The following NUFIP1 variants were observed in gnomAD, a reference collection of about 807,000 sequenced individuals.
NUFIP1 encodes the protein nuclear FMR1 interacting protein 1.
A neutral mutation model predicts 56.2 loss-of-function variants in NUFIP1; 38 were observed. That is an observed-to-expected ratio of 0.68 (90% confidence interval 0.52 to 0.89). The LOEUF is 0.89. Among genes scored for constraint, NUFIP1 ranks in the 40% least tolerant of loss-of-function variants. The probability of loss-of-function intolerance (pLI) is 0.00; values close to 1 mark genes in which losing one functional copy is unlikely to be tolerated. For missense variants in NUFIP1, 567 were observed against 605.8 expected, an observed-to-expected ratio of 0.94 and a Z score of 0.67; for synonymous variants, 215 against 212.4, an observed-to-expected ratio of 1.01 and a Z score of -0.10.
chr13:44,949,456 C>A (rs1325600246), intron 8 of NUFIP1, among the ~76,000 whole-genome samples: 6 of 152,062 alleles, frequency 3.9e-5, no homozygotes, highest in Admixed American at 3.9e-4. Flanking sequence ...CCGCCTCGGC[C>A]TCCCAAAGTG....
intron 6 of NUFIP1, among the ~76,000 whole-genome samples, chr13:44,960,197 T>C (rs2137904442): frequency 6.6e-6 from 1 of 151,970 alleles, no homozygotes; most frequent in Non-Finnish European, 1.5e-5. Flanking sequence ...CACAAAGTGC[T>C]GGGGTTACAG....
At chr13:44,952,374 T>C (rs1272191058) in intron 7 of NUFIP1, among the ~76,000 whole-genome samples, 2 of 152,140 alleles carry the variant, frequency 1.3e-5, no homozygotes, top group Non-Finnish European at 2.9e-5. Context: ...ATCTGCTCAC[T>C]TTGGCCTTCC....
chr13:44,971,911 A>AT (rs11316355), intron 5 of NUFIP1, among the ~76,000 whole-genome samples: 8 of 151,256 alleles, frequency 5.3e-5, no homozygotes, highest in African/African-American at 1.2e-4. Context: ...CCCTGGATTT[A>AT]TTTTTTTTTT....
intron 8 of NUFIP1, among the ~76,000 whole-genome samples, chr13:44,945,992 T>TCCTA (rs1389961110): frequency 1.6e-4 from 25 of 152,218 alleles, no homozygotes; most frequent in African/African-American, 5.8e-4. Flanking sequence ...TAGGTTCAAA[T>TCCTA]CCTAGTTCCA....
Position 44,940,240 on chromosome 13 carries a change from C to T in NUFIP1, c.*966G>A, listed in dbSNP as rs1055735383. Reference sequence around the variant, plus strand: ...ACAAGGCTGGAAAACACTGGCTAAACATGAATCTTCATCTCAGGTCTGTGA... The same window carrying T: ...ACAAGGCTGGAAAACACTGGCTAAATATGAATCTTCATCTCAGGTCTGTGA... On this transcript the variant is annotated 3_prime_UTR_variant, in exon 10 of 10. Coordinates refer to ENST00000379161, the MANE Select transcript of NUFIP1 (RefSeq NM_012345.3). The T allele has an allele frequency of 1.7e-4, 26 of 152,140 alleles. No homozygotes were observed. Among genetic ancestry groups the T allele is most frequent in the African/African-American group, 4.8e-4 (20 of 41,424 alleles). 9.4% of individuals were successfully genotyped at this position (152,140 alleles called of 1,614,324 possible). A position where few individuals can be genotyped will look rare whatever the true frequency, so the allele number is the denominator to read the frequency against.
chr13:44,986,029 C>T (rs1373505637), intron 1 of NUFIP1, among the ~76,000 whole-genome samples: 1 of 152,194 alleles, frequency 6.6e-6, no homozygotes, highest in Non-Finnish European at 1.5e-5. Context: ...AGTCATAGCT[C>T]ATTGCAGCCT....
intron 8 of NUFIP1, among the ~76,000 whole-genome samples, chr13:44,947,503 T>C (rs1394706203): frequency 6.6e-6 from 1 of 152,138 alleles, no homozygotes; most frequent in Non-Finnish European, 1.5e-5. Flanking sequence ...CCTCCCACAG[T>C]GCTGGGATTG....
chr13:44,953,710 C>G (rs2137898038), intron 7 of NUFIP1, among the ~76,000 whole-genome samples: 1 of 152,158 alleles, frequency 6.6e-6, no homozygotes, highest in African/African-American at 2.4e-5. Context: ...TTATATTTTC[C>G]CTGTCCCAAC....
intron 8 of NUFIP1, among the ~76,000 whole-genome samples, chr13:44,944,007 T>A (rs1870834637): frequency 6.6e-6 from 1 of 152,116 alleles, no homozygotes; most frequent in Non-Finnish European, 1.5e-5. Flanking sequence ...TATAAAAGAC[T>A]TTTTTTCCTC....
At chr13:44,984,640 T>TA (rs1349914875) in intron 1 of NUFIP1, among the ~76,000 whole-genome samples, 2 of 151,966 alleles carry the variant, frequency 1.3e-5, no homozygotes, top group East Asian at 1.9e-4. Context: ...AGACTCTATT[T>TA]AAAAAAATAA....
chr13:44,980,673 G>A (rs1412801450), intron 3 of NUFIP1, 49 bp downstream of exon 3: 5 of 1,202,002 alleles, frequency 4.2e-6, no homozygotes, highest in Admixed American at 4.2e-5. Flanking sequence ...TATACAGATA[G>A]AAGAAGCACA....
chr13:44,983,441 T>G (rs79381643), intron 1 of NUFIP1, among the ~76,000 whole-genome samples: 5 of 151,176 alleles, frequency 3.3e-5, no homozygotes, highest in East Asian at 2.0e-4. Flanking sequence ...CCTCCCAAAG[T>G]GCTGGGATTA....
chr13:44,979,206 T>C lies in NUFIP1; in HGVS notation c.718A>G (p.Arg240Gly), dbSNP rs1304319957. The C allele has an allele frequency of 6.2e-7, 1 of 1,613,358 alleles. No individual in the cohort carries two copies. The highest frequency in any genetic ancestry group is 2.2e-5 in the East Asian group (1 of 44,862). ...LDTPEEIARW[R>G]EERRKNYPTL... ...TCTACTCACTTCCTTCTTTCTTCCC[T>C]CCACCGTGCAATTTCCTCTGGAGTG... The change falls in exon 5 of 10, where the codon AGG becomes GGG. Residue 240 changes from arginine to glycine, a missense_variant. Coordinates refer to ENST00000379161, the MANE Select transcript of NUFIP1 (RefSeq NM_012345.3).
intron 6 of NUFIP1, among the ~76,000 whole-genome samples, chr13:44,963,258 T>C (rs901100548): frequency 1.8e-4 from 28 of 152,242 alleles, no homozygotes; most frequent in Non-Finnish European, 3.1e-4. Flanking sequence ...TGTAGAATCT[T>C]GCACATCTTT....
At chr13:44,943,351 AACACAC>A (rs36045762) in intron 9 of NUFIP1, 85 bp downstream of exon 9, 95 of 938,150 alleles carry the variant, frequency 1.0e-4, no homozygotes, top group Admixed American at 1.2e-4. Context: ...CCTTAAAACA[AACACAC>A]ACACACACAC....
intron 7 of NUFIP1, 59 bp downstream of exon 7, chr13:44,959,322 T>C: frequency 6.9e-7 from 1 of 1,459,698 alleles, no homozygotes; most frequent in Non-Finnish European, 9.4e-7. Flanking sequence ...CTGTGAATAA[T>C]CAACTTCAGC....
At chr13:44,978,043 T>C (rs1211850921) in intron 5 of NUFIP1, among the ~76,000 whole-genome samples, 1 of 152,082 alleles carries the variant, frequency 6.6e-6, no homozygotes, top group Non-Finnish European at 1.5e-5. Context: ...AGACTCTGAC[T>C]CAAAAAAAAA....
At chr13:44,949,683 A>G in intron 8 of NUFIP1, 39 bp downstream of exon 8, 1 of 1,351,152 alleles carries the variant, frequency 7.4e-7, no homozygotes, top group Non-Finnish European at 1.0e-6. Flanking sequence ...GCAAAAAGCA[A>G]CAAAACAAAA....
Position 44,989,357 on chromosome 13 carries a change from A to C in NUFIP1, c.80T>G (p.Leu27Arg), listed in dbSNP as rs900029452. ...GTCCCGCGGCGGGGCAGTGTCGCTC[A>C]GGGGCCCTAACGTGGGAGTCAGCTC... ...SPELTPTLGP[L>R]SDTAPPRDSW... Residue 27 changes from leucine (L) to arginine (R), a missense_variant, in exon 1 of 10, where the codon CTG becomes CGG. Coordinates refer to ENST00000379161, the MANE Select transcript of NUFIP1 (RefSeq NM_012345.3). 1 of 1,613,252 alleles carries C rather than the reference A, an allele frequency of 6.2e-7. No individual in the cohort carries two copies. Among genetic ancestry groups the C allele is most frequent in the South Asian group, 1.1e-5 (1 of 90,918 alleles).
Sources: gnomAD v4.1 joint callset for allele counts (sites outside exome capture counted in the v4.1 genomes callset) on GRCh38, gnomAD v4.1.1 for gene constraint, MANE v1.5 for transcripts, NCBI Gene and HGNC (gene_info 2026-07-23, HGNC 2026-07-21) for gene names.